Variants in BEX2 observed in about 807,000 individuals in gnomAD.
BEX2 encodes the protein protein BEX2.
BEX2 carries 2 observed loss-of-function variants against 4.1 expected under a neutral mutation model. The ratio of observed to expected loss-of-function variants is 0.49; its 90% CI spans 0.20 to 1.53. The LOEUF is 1.53. Among genes scored for constraint, BEX2 ranks in the 40% most tolerant of loss-of-function variants. The pLI, the probability that BEX2 is intolerant of heterozygous loss-of-function variation, is 0.23. For missense variants in BEX2, 94 were observed against 99.9 expected, an observed-to-expected ratio of 0.94 and a Z score of 0.25; for synonymous variants, 34 against 35.9, an observed-to-expected ratio of 0.95 and a Z score of 0.19.
intron 1 of BEX2, 120 bp from the exon 2 acceptor site, chrX:103,310,553 C>A: frequency 1.7e-6 from 2 of 1,153,709 alleles, no homozygotes; most frequent in African/African-American, 1.8e-5. Context: ...TCTCGCCCCC[C>A]GCCTCAGCCG....
In BEX2 at chrX:103,310,409, C is replaced by A; in HGVS notation, c.-57G>T. The A allele has an allele frequency of 8.6e-7, 1 of 1,156,930 alleles. No individual in the cohort carries two copies. Among genetic ancestry groups the A allele is most frequent in the Non-Finnish European group, 1.1e-6 (1 of 873,056 alleles). On this transcript the variant is annotated 5_prime_UTR_variant, in exon 2 of 3. Transcript: ENST00000372677. Reference sequence around the variant, plus strand: ...TCCCGATTCTCGACGTGAGGTGCGTCGCCGCAACACTTGGCCCCGCAAACC... The same window carrying A: ...TCCCGATTCTCGACGTGAGGTGCGTAGCCGCAACACTTGGCCCCGCAAACC...
intron 2 of BEX2, 37 bp from the exon 3 acceptor site, chrX:103,310,018 G>GACTCTT: frequency 8.6e-7 from 1 of 1,166,180 alleles, no homozygotes; most frequent in Non-Finnish European, 1.1e-6. Context: ...AATTCTTGGT[G>GACTCTT]AACTGATCAG....
At chrX:103,310,608 G>C in intron 1 of BEX2, 175 bp from the exon 2 acceptor site, 1 of 1,155,733 alleles carries the variant, frequency 8.7e-7, no homozygotes. Flanking sequence ...CAAGAAGGGC[G>C]GAGCAGGGGT....
Position 103,309,631 on chromosome X carries a change from G to A in BEX2, c.346C>T (p.Pro116Ser). 1 of 1,211,141 alleles carries A rather than the reference G, an allele frequency of 8.3e-7. No homozygotes were observed. The highest frequency in any genetic ancestry group is 1.1e-6 in the Non-Finnish European group (1 of 895,361). The change falls in exon 3 of 3, where the codon CCT (proline) becomes TCT (serine). Residue 116 changes from proline (P) to serine (S), a missense_variant. Transcript: ENST00000372677. ...HSLRAVSTDP[P>S]HHDHHDEFCL... is the part of the protein sequence containing the mutation. Reference sequence around the variant, plus strand: ...AACTCATCGTGATGGTCATGGTGAGGGGGATCAGTGCTGACTGCCCGCAAA... The same window carrying A: ...AACTCATCGTGATGGTCATGGTGAGAGGGATCAGTGCTGACTGCCCGCAAA...
intron 1 of BEX2, 193 bp downstream of exon 1, chrX:103,310,667 G>T: frequency 9.0e-7 from 1 of 1,114,716 alleles, no homozygotes; most frequent in Non-Finnish European, 1.2e-6. Flanking sequence ...CCGAAAGGTC[G>T]TAGCCTCAGG....
Position 103,310,349 on chromosome X carries a change from C to T in BEX2, c.-6+9G>A. On this transcript the variant is annotated intron_variant, in intron 2 of 2. Coordinates refer to ENST00000372677, the MANE Select transcript of BEX2 (RefSeq NM_032621.4). ...TGACCCCCTCCCCACCACCGTCCCT[C>T]GCACTGACCTGGGCCTATCCTTGCA... 1 of 1,154,438 alleles carries T rather than the reference C, an allele frequency of 8.7e-7. No homozygotes were observed. The highest frequency in any genetic ancestry group is 1.1e-6 in the Non-Finnish European group (1 of 871,858).
intron 1 of BEX2, 76 bp from the exon 2 acceptor site, chrX:103,310,509 C>T: frequency 1.7e-6 from 2 of 1,147,625 alleles, no homozygotes; most frequent in Non-Finnish European, 2.3e-6. Context: ...CACCCGGCCC[C>T]TTCCCCACGC....
rs1045052 is a variant in BEX2, at chrX:103,310,399, T to C, written c.-47A>G. 1.4e-5 allele frequency: 16 copies of C among 1,156,725 alleles called. No homozygotes were observed. The highest frequency in any genetic ancestry group is 1.8e-5 in the Non-Finnish European group (16 of 872,962). ...AGTCTCCTCCTCCCGATTCTCGACGTGAGGTGCGTCGCCGCAACACTTGGC... is the reference window on the plus strand; with the variant it reads ...AGTCTCCTCCTCCCGATTCTCGACGCGAGGTGCGTCGCCGCAACACTTGGC... On this transcript the variant is annotated 5_prime_UTR_variant, in exon 2 of 3. Transcript: ENST00000372677.
chrX:103,310,719 A>G (rs1602972285), intron 1 of BEX2, 141 bp downstream of exon 1: 1 of 902,465 alleles, frequency 1.1e-6, no homozygotes, highest in Non-Finnish European at 1.5e-6. Context: ...CCGCTCACAC[A>G]AGGCTCGCGG....
At chrX:103,310,517 C>A in intron 1 of BEX2, 84 bp from the exon 2 acceptor site, 2 of 1,146,585 alleles carry the variant, frequency 1.7e-6, no homozygotes, top group Non-Finnish European at 2.3e-6. Flanking sequence ...CCCTTCCCCA[C>A]GCCGGGCCCG....
At chrX:103,310,056 C>T (rs1926143739) in intron 2 of BEX2, 75 bp from the exon 3 acceptor site, 1 of 1,073,802 alleles carries the variant, frequency 9.3e-7, no homozygotes, top group Non-Finnish European at 1.2e-6. Context: ...CGACTACCCA[C>T]CTTTCAAAAT....
chrX:103,310,609 G>C, intron 1 of BEX2, 176 bp from the exon 2 acceptor site: 2 of 1,155,914 alleles, frequency 1.7e-6, no homozygotes, highest in African/African-American at 3.5e-5. Context: ...AAGAAGGGCG[G>C]AGCAGGGGTG....
chrX:103,310,246 A>AGGGGTG, intron 2 of BEX2, 112 bp downstream of exon 2: 1 of 789,271 alleles, frequency 1.3e-6, no homozygotes, highest in Admixed American at 3.4e-5. Flanking sequence ...AGGACGAAGA[A>AGGGGTG]GGGGTGGGGG....
chrX:103,310,850 G>T lies in BEX2; in HGVS notation c.-82+10C>A, dbSNP rs1926186429. ...ACACCAACCCCAGGGACCCCCTCCGGGTCCCTTACCTGCTCCCCCTCCGCT... is the reference window on the plus strand; with the variant it reads ...ACACCAACCCCAGGGACCCCCTCCGTGTCCCTTACCTGCTCCCCCTCCGCT... On this transcript the variant is annotated intron_variant, in intron 1 of 2. Transcript: ENST00000372677. 2 of 353,063 alleles carry T rather than the reference G, an allele frequency of 5.7e-6. No homozygotes were observed. Among genetic ancestry groups the T allele is most frequent in the South Asian group, 6.0e-5 (1 of 16,689 alleles). The allele number at this position is 353,063 out of a possible 1,213,427, so 29.1% of individuals were successfully genotyped here.
chrX:103,310,727 CGGTCCCGCGGCG>C, intron 1 of BEX2, 121 bp downstream of exon 1: 2 of 855,947 alleles, frequency 2.3e-6, no homozygotes, highest in South Asian at 5.1e-5. Context: ...ACAAGGCTCG[CGGTCCCGCGGCG>C]GGGCCCCGGG....
intron 1 of BEX2, 36 bp downstream of exon 1, chrX:103,310,824 C>G (rs975372128): frequency 1.0e-5 from 4 of 381,733 alleles, no homozygotes; most frequent in South Asian, 1.1e-4. Flanking sequence ...GCTGCTCCCC[C>G]ACACCAACCC....
intron 1 of BEX2, 109 bp from the exon 2 acceptor site, chrX:103,310,542 C>T: frequency 8.7e-7 from 1 of 1,151,640 alleles, no homozygotes; most frequent in Non-Finnish European, 1.1e-6. Context: ...CTCCTAGCCG[C>T]TCTCGCCCCC....
chrX:103,310,723 CT>C, intron 1 of BEX2, 136 bp downstream of exon 1: 2 of 879,307 alleles, frequency 2.3e-6, no homozygotes, highest in South Asian at 5.0e-5. Flanking sequence ...TCACACAAGG[CT>C]CGCGGTCCCG....
chrX:103,310,385 C>T lies in BEX2; in HGVS notation c.-33G>A. Reference sequence around the variant, plus strand: ...GGGCCTATCCTTGCAGTCTCCTCCTCCCGATTCTCGACGTGAGGTGCGTCG... The same window carrying T: ...GGGCCTATCCTTGCAGTCTCCTCCTTCCGATTCTCGACGTGAGGTGCGTCG... On this transcript the variant is annotated 5_prime_UTR_variant, in exon 2 of 3. Transcript: ENST00000372677. 1 of 1,156,817 alleles carries T rather than the reference C, an allele frequency of 8.6e-7. No homozygotes were observed. Among genetic ancestry groups the T allele is most frequent in the Non-Finnish European group, 1.1e-6 (1 of 873,036 alleles).
Sources: gnomAD v4.1 joint callset for allele counts on GRCh38, gnomAD v4.1.1 for gene constraint, MANE v1.5 for transcripts, NCBI Gene and HGNC (gene_info 2026-07-23, HGNC 2026-07-21) for gene names.